TRIM7: variants seen among roughly 807,000 people sequenced by gnomAD.
TRIM7 encodes tripartite motif containing 7.
In TRIM7, 32 loss-of-function variants were observed where a neutral mutation model predicts 37.9. That is an observed-to-expected ratio of 0.84 (90% CI 0.64 to 1.13). TRIM7 has a LOEUF of 1.13. Ranked by LOEUF, TRIM7 falls within the 50% of genes most tolerant of loss-of-function variation. The probability of loss-of-function intolerance (pLI) is 0.00; values close to 1 mark genes in which losing one functional copy is unlikely to be tolerated. For synonymous variants in TRIM7, 351 were observed against 321.3 expected (o/e 1.09, Z -0.99); for missense variants, 732 against 714.0 (o/e 1.03, Z -0.29).
intron 2 of TRIM7, chr5:181,200,873 G>A (rs1757441918): frequency 1.3e-5 from 13 of 985,548 alleles, no homozygotes; most frequent in Non-Finnish European, 1.6e-5. Flanking sequence ...TGGGAGACCT[G>A]GGTTCAAGGT....
At chr5:181,204,127 TC>T (rs1757677922) in intron 1 of TRIM7, 1 of 997,972 alleles carries the variant, frequency 1.0e-6, no homozygotes. Context: ...GGGAGCCCCC[TC>T]CCTGGACATC....
chr5:181,195,199 G>A lies in TRIM7; in HGVS notation c.1503C>T (p.Cys501=). The change falls in exon 7 of 7, where the codon TGC becomes TGT. Residue 501 remains cysteine (C), a synonymous_variant. Coordinates refer to ENST00000274773, the MANE Select transcript of TRIM7 (RefSeq NM_203293.3). ...QERVFPLFSV[C]STGTYLRIWP ...AGATTCGCAAGTAGGTGCCCGTGGA[G>A]CAAACAGAGAAAAGCGGGAACACGC... The A allele has an allele frequency of 6.2e-7, 1 of 1,610,408 alleles. No homozygotes were observed. The highest frequency in any genetic ancestry group is 8.5e-7 in the Non-Finnish European group (1 of 1,177,852).
rs201559417 is a variant in TRIM7, at chr5:181,200,068, G to T, written c.632C>A (p.Ala211Glu). ...ESKELLKQMA[A>E]EQEKVGAEFQ... ...CTCTGCCCCCACCTTCTCCTGCTCCGCTGCCATCTGTTTCTGTCCCAGGAG... is the reference window on the plus strand; with the variant it reads ...CTCTGCCCCCACCTTCTCCTGCTCCTCTGCCATCTGTTTCTGTCCCAGGAG... The change falls in exon 3 of 7, where the codon GCG becomes GAG. Residue 211 changes from alanine (A) to glutamate (E), a missense_variant. Transcript: ENST00000274773. 13 of 1,614,112 alleles carry T rather than the reference G, an allele frequency of 8.1e-6. No homozygotes were observed. The highest frequency in any genetic ancestry group is 1.1e-5 in the Non-Finnish European group (13 of 1,180,058).
At position 181,195,106 on chromosome 5, in the gene TRIM7, G is replaced by A; in HGVS notation, c.*60C>T. On this transcript the variant is annotated 3_prime_UTR_variant, in exon 7 of 7. Transcript: ENST00000274773. ...GACCCAAGACGGACCAGGCATCTCT[G>A]GGGAGGCGACATCCCCTCCCACCGG... 6.5e-7 allele frequency: 1 copy of A among 1,537,712 alleles called. No individual in the cohort carries two copies. Among genetic ancestry groups the A allele is most frequent in the Non-Finnish European group, 8.8e-7 (1 of 1,137,074 alleles).
chr5:181,199,714 A>C, intron 3 of TRIM7, 137 bp downstream of exon 3: 12 of 1,396,758 alleles, frequency 8.6e-6, no homozygotes, highest in Non-Finnish European at 1.1e-5. Flanking sequence ...CAGGAAAATC[A>C]GGGCACTTCT....
intron 6 of TRIM7, chr5:181,195,927 A>G: frequency 2.3e-6 from 1 of 436,706 alleles, no homozygotes. Context: ...TTTGAACCCC[A>G]ATTCAACAGA....
chr5:181,202,828 T>G (rs1232185589), intron 2 of TRIM7: 1 of 152,290 alleles, frequency 6.6e-6, no homozygotes, highest in Non-Finnish European at 1.5e-5. Flanking sequence ...CCTCCCAAAG[T>G]GCTGGGATTA....
chr5:181,199,200 G>C (rs1757325540), intron 3 of TRIM7, 83 bp from the exon 4 acceptor site: 2 of 1,529,742 alleles, frequency 1.3e-6, no homozygotes, highest in Non-Finnish European at 1.8e-6. Flanking sequence ...CCCTTGCTGT[G>C]CCTCCCAGAT....
In TRIM7 at chr5:181,199,131, T is replaced by TA; in HGVS notation, c.850-15dup. 6.2e-7 allele frequency: 1 copy of TA among 1,614,176 alleles called. No individual in the cohort carries two copies. Among genetic ancestry groups the TA allele is most frequent in the Non-Finnish European group, 8.5e-7 (1 of 1,180,018 alleles). On this transcript the variant is annotated splice_polypyrimidine_tract_variant and intron_variant, in intron 3 of 6. Coordinates refer to ENST00000274773, the MANE Select transcript of TRIM7 (RefSeq NM_203293.3). ...GCTTTTGAATTCCTGGAAGGAAAGA[T>TA]AGAGGAAACCAAATCAGCATCAGGT... is the stretch of plus-strand genomic sequence containing the variant.
intron 4 of TRIM7, 92 bp downstream of exon 4, chr5:181,199,003 G>T: frequency 6.5e-7 from 1 of 1,531,446 alleles, no homozygotes; most frequent in Non-Finnish European, 9.1e-7. Flanking sequence ...GGATCAGGAG[G>T]TGAGAGGTCA....
At chr5:181,197,847 C>T (rs1055010185) in intron 6 of TRIM7, 3 of 395,556 alleles carry the variant, frequency 7.6e-6, no homozygotes, top group African/African-American at 4.1e-5. Context: ...CCCCTGTATA[C>T]ACCCCATTCC....
In TRIM7 at chr5:181,198,222, A is replaced by G; in HGVS notation, c.989-4T>C. 6.2e-7 allele frequency: 1 copy of G among 1,614,090 alleles called. No homozygotes were observed. The highest frequency in any genetic ancestry group is 8.5e-7 in the Non-Finnish European group (1 of 1,179,984). On this transcript the variant is annotated splice_polypyrimidine_tract_variant and splice_region_variant and intron_variant, in intron 5 of 6. Coordinates refer to ENST00000274773, the MANE Select transcript of TRIM7 (RefSeq NM_203293.3). ...TCCAGCTCTCCCCGAAGGTCCTCTG[A>G]GGAGGAGAAACAAAGCAAGGCGTGC...
rs7701372 is a variant in TRIM7 at position 181,198,373 on chromosome 5, G to A, written c.989-155C>T. 6.1e-3 allele frequency: 4,800 copies of A among 789,852 alleles called. 164 individuals carry two copies. The African/African-American group carries it at 0.074, about 12-fold the overall frequency. 48.9% of individuals were successfully genotyped at this position (789,852 alleles called of 1,614,324 possible). ...AGGCACAGGGCCAAGCATGGGGAGC[G>A]GGGGGCAGGGGGCCCATACCCAAGC... On this transcript the variant is annotated intron_variant, in intron 5 of 6. Coordinates refer to ENST00000274773, the MANE Select transcript of TRIM7 (RefSeq NM_203293.3).
intron 1 of TRIM7, chr5:181,204,322 C>T: frequency 1.7e-6 from 2 of 1,182,388 alleles, no homozygotes; most frequent in Non-Finnish European, 2.1e-6. Flanking sequence ...ATCGCCAAGT[C>T]CGTGGGGGAC....
Position 181,203,605 on chromosome 5 carries a change from C to T in TRIM7, c.558G>A (p.Lys186=). 1 of 1,613,970 alleles carries T rather than the reference C, an allele frequency of 6.2e-7. No homozygotes were observed. The highest frequency in any genetic ancestry group is 8.5e-7 in the Non-Finnish European group (1 of 1,179,972). Residue 186 remains lysine (K), a synonymous_variant, in exon 2 of 7, where the codon AAG becomes AAA. Coordinates refer to ENST00000274773, the MANE Select transcript of TRIM7 (RefSeq NM_203293.3). ...LLESRLRVLK[K]ELEDCEVFRS... ...GGAACACCTCACAGTCCTCCAGTTC[C>T]TTCTTCAAGACCCTCAGCCTGGACT...
At chr5:181,201,470 A>G (rs1045513012) in intron 2 of TRIM7, among the ~76,000 whole-genome samples, 3 of 152,222 alleles carry the variant, frequency 2.0e-5, no homozygotes, top group African/African-American at 7.2e-5. Flanking sequence ...AAGAACAGGT[A>G]GAGCTCACAC....
chr5:181,197,939 T>C (rs889502783), intron 6 of TRIM7: 2 of 548,842 alleles, frequency 3.6e-6, no homozygotes, highest in South Asian at 2.3e-5. Context: ...CCAGTCTGAG[T>C]ATCTCGAGGT....
At chr5:181,204,542 G>A (rs1473110603) in intron 1 of TRIM7, 47 bp downstream of exon 1, 1 of 1,311,408 alleles carries the variant, frequency 7.6e-7, no homozygotes, top group African/African-American at 1.9e-5. Flanking sequence ...GCGGGACCAA[G>A]TCAGGGGGTC....
intron 6 of TRIM7, chr5:181,196,474 G>A (rs1350315695): frequency 2.0e-5 from 3 of 152,422 alleles, no homozygotes; most frequent in African/African-American, 7.2e-5. Context: ...GGGAGGCCAA[G>A]GCCAATGGGT....
Sources: gnomAD v4.1 joint callset for allele counts (sites outside exome capture counted in the v4.1 genomes callset) on GRCh38, gnomAD v4.1.1 for gene constraint, MANE v1.5 for transcripts, NCBI Gene and HGNC (gene_info 2026-07-23, HGNC 2026-07-21) for gene names.